The following POLR2H variants were observed in gnomAD, a reference collection of about 807,000 sequenced individuals.
The protein encoded by POLR2H is RNA polymerase II, I and III subunit H.
Under a neutral mutation model 18.1 loss-of-function variants are expected in POLR2H, and 3 were observed. The observed-to-expected ratio is 0.17, with a 90% CI of 0.08 to 0.43. The LOEUF is 0.43. POLR2H is among the 20% of genes least tolerant of loss of function. The pLI, the probability that POLR2H is intolerant of heterozygous loss-of-function variation, is 0.99. For synonymous variants in POLR2H, 76 were observed against 69.0 expected (o/e 1.10, Z -0.50); for missense variants, 103 against 184.6 (o/e 0.56, Z 2.56).
At chr3:184,367,625 T>A (rs968150820) in intron 5 of POLR2H, among the ~76,000 whole-genome samples, 1 of 152,038 alleles carries the variant, frequency 6.6e-6, no homozygotes, top group Non-Finnish European at 1.5e-5. Flanking sequence ...TAGCTGGGAC[T>A]ACAGGCACCC....
chr3:184,363,219 T>C lies in POLR2H; in HGVS notation c.-274T>C. On this transcript the variant is annotated 5_prime_UTR_variant, in exon 2 of 6. Transcript: ENST00000456318. The stretch of plus-strand genomic sequence containing the variant: ...TCTACAGCCTATTGCTTCCCCGCCC[T>C]GGGCAGAGCCACCTGGACATGAGAC... 1 of 520,060 alleles carries C rather than the reference T, an allele frequency of 1.9e-6. No homozygotes were observed. Among genetic ancestry groups the C allele is most frequent in the Admixed American group, 3.1e-5 (1 of 31,808 alleles). 32.2% of individuals were successfully genotyped at this position (520,060 alleles called of 1,614,324 possible). A position where few individuals can be genotyped will look rare whatever the true frequency, so the allele number is the denominator to read the frequency against.
intron 5 of POLR2H, among the ~76,000 whole-genome samples, chr3:184,367,333 A>T (rs1459216439): frequency 6.6e-6 from 1 of 152,166 alleles, no homozygotes; most frequent in Non-Finnish European, 1.5e-5. Context: ...TTCCATATCC[A>T]GAGAGAACCT....
chr3:184,364,705 G>A (rs1405474279), intron 2 of POLR2H: 4 of 531,208 alleles, frequency 7.5e-6, no homozygotes, highest in Non-Finnish European at 1.3e-5. Flanking sequence ...CTTGCCCAGA[G>A]TCAGGTTCTC....
chr3:184,361,717 GGGGACGGCCCAGCCAGGCTGGGGTCC>G lies in POLR2H; in HGVS notation c.-1048_-1023del, dbSNP rs1270787104. 9.8e-6 allele frequency: 2 copies of G among 204,146 alleles called. No individual in the cohort carries two copies. Among genetic ancestry groups the G allele is most frequent in the Non-Finnish European group, 1.9e-5 (2 of 103,662 alleles). 12.6% of individuals were successfully genotyped at this position (204,146 alleles called of 1,614,324 possible). ...TGCTCCGCCCGCCGGCCCATCCGGA[GGGGACGGCCCAGCCAGGCTGGGGTCC>G]GCGCGGGGCCTCCCGAGAGGCGGCA... On this transcript the variant is annotated 5_prime_UTR_variant, in exon 1 of 6. Coordinates refer to ENST00000456318, the MANE Select transcript of POLR2H (RefSeq NM_006232.5). The surrounding 1 kb of genome is among the most constrained non-coding windows in gnomAD (Gnocchi z 6.6).
rs1560277233 is a variant in POLR2H, at chr3:184,366,739, A to G, written c.274A>G (p.Met92Val). The G allele has an allele frequency of 6.2e-7, 1 of 1,603,196 alleles. No individual in the cohort carries two copies. The highest frequency in any genetic ancestry group is 8.5e-7 in the Non-Finnish European group (1 of 1,170,012). ...PSRADQFEYV[M>V]YGKVYRIEGD... The stretch of plus-strand genomic sequence containing the variant: ...TAGGGCTGACCAGTTTGAGTATGTA[A>G]TGTATGGAAAAGTGTACAGGATTGA... The change falls in exon 5 of 6, where the codon ATG (methionine) becomes GTG (valine). Residue 92 changes from methionine to valine, a missense_variant. Physicochemically the swap from Met to Val is conservative, Grantham distance 21 (BLOSUM62 1). Coordinates refer to ENST00000456318, the MANE Select transcript of POLR2H (RefSeq NM_006232.5).
At chr3:184,366,884 C>T (rs1713395621) in intron 5 of POLR2H, 84 bp downstream of exon 5, 1 of 837,532 alleles carries the variant, frequency 1.2e-6, no homozygotes. Context: ...TCTGTTGAGT[C>T]CCTCTCCTCA....
chr3:184,365,080 A>AT, intron 3 of POLR2H, 31 bp downstream of exon 3: 1 of 1,579,908 alleles, frequency 6.3e-7, no homozygotes, highest in Non-Finnish European at 8.7e-7. Context: ...ATAATAAGAG[A>AT]CTTTTTGCTG....
intron 2 of POLR2H, 40 bp from the exon 3 acceptor site, chr3:184,364,925 CT>C: frequency 7.2e-7 from 1 of 1,379,594 alleles, no homozygotes; most frequent in Non-Finnish European, 1.0e-6. Context: ...TAGGATCTGC[CT>C]TGGCAATACC....
Position 184,363,408 on chromosome 3 carries a change from C to A in POLR2H, c.-85C>A. On this transcript the variant is annotated 5_prime_UTR_variant, in exon 2 of 6. Coordinates refer to ENST00000456318, the MANE Select transcript of POLR2H (RefSeq NM_006232.5). ...TTCAGGAGGTGCTTTTGGTTCTCTC[C>A]GGTCTTGTCCACGCTAGGGGGTGCA... The A allele has an allele frequency of 8.7e-7, 1 of 1,154,600 alleles. No homozygotes were observed. The highest frequency in any genetic ancestry group is 1.3e-6 in the Non-Finnish European group (1 of 772,470). The allele number at this position is 1,154,600 out of a possible 1,614,324, so 71.5% of individuals were successfully genotyped here.
At chr3:184,367,793 G>A (rs1023800237) in intron 5 of POLR2H, among the ~76,000 whole-genome samples, 1 of 152,062 alleles carries the variant, frequency 6.6e-6, no homozygotes, top group Non-Finnish European at 1.5e-5. Flanking sequence ...CCCGGCCGGT[G>A]TAAAGCTTTT....
rs1040873063 is a variant in POLR2H, at chr3:184,362,585, C to CAGCA, written c.-620-287_-620-284dup. 2 of 153,494 alleles carry CAGCA rather than the reference C, an allele frequency of 1.3e-5. No homozygotes were observed. The highest frequency in any genetic ancestry group is 1.3e-4 in the Admixed American group (2 of 15,294). The allele number at this position is 153,494 out of a possible 1,614,324, so 9.5% of individuals were successfully genotyped here. On this transcript the variant is annotated intron_variant, in intron 1 of 5. Transcript: ENST00000456318. The surrounding 1 kb of genome is among the most constrained non-coding windows in gnomAD (Gnocchi z 5.9). ...GAAGGGGGGGCCTTGTGATAGAAGC[C>CAGCA]AGCACTCAGGAGGAAGGGCCAGTGT...
chr3:184,364,743 A>G, intron 2 of POLR2H: 1 of 565,504 alleles, frequency 1.8e-6, no homozygotes, highest in Non-Finnish European at 3.1e-6. Context: ...TTGCTGCTGG[A>G]GTATCTTTGG....
At position 184,363,035 on chromosome 3, in the gene POLR2H, C is replaced by T. The variant is rs1048279576; in HGVS notation, c.-458C>T. 4.5e-6 allele frequency: 1 copy of T among 219,950 alleles called. No homozygotes were observed. The highest frequency in any genetic ancestry group is 9.3e-6 in the Non-Finnish European group (1 of 107,244). The allele number at this position is 219,950 out of a possible 1,614,324, so 13.6% of individuals were successfully genotyped here. ...ACCTGCCCTCGGCGCGGACTGTGCC[C>T]TCGGCGGGCACGCGGACCGGCGGGG... On this transcript the variant is annotated 5_prime_UTR_variant, in exon 2 of 6. Transcript: ENST00000456318.
chr3:184,367,089 G>C (rs954722356), intron 5 of POLR2H, among the ~76,000 whole-genome samples: 2 of 101,630 alleles, frequency 2.0e-5, no homozygotes, highest in Admixed American at 9.6e-5. Context: ...AGACTGTTAG[G>C]CTTTGTGTGT....
chr3:184,366,657 A>G (rs1713354372), intron 4 of POLR2H, 60 bp from the exon 5 acceptor site: 3 of 1,064,494 alleles, frequency 2.8e-6, no homozygotes, highest in East Asian at 4.9e-5. Context: ...CCATTTTTAA[A>G]TGGGATCTTT....
intron 5 of POLR2H, among the ~76,000 whole-genome samples, chr3:184,367,092 TTGTGTG>T (rs10575340): frequency 0.093 from 13,740 of 147,854 alleles, 649 homozygotes; most frequent in Middle Eastern, 0.14. Context: ...CTGTTAGGCT[TTGTGTG>T]TGTGTGTGTG....
At chr3:184,365,518 A>T in intron 4 of POLR2H, 1 of 391,408 alleles carries the variant, frequency 2.6e-6, no homozygotes, top group Non-Finnish European at 4.7e-6. Flanking sequence ...AGAGAAAAAA[A>T]AAAAAGGCTG....
rs1472630143 is a variant in POLR2H, at chr3:184,362,918, A to G, written c.-575A>G. 1 of 160,762 alleles carries G rather than the reference A, an allele frequency of 6.2e-6. No individual in the cohort carries two copies. The highest frequency in any genetic ancestry group is 2.4e-5 in the African/African-American group (1 of 41,424). 10.0% of individuals were successfully genotyped at this position (160,762 alleles called of 1,614,324 possible). On this transcript the variant is annotated 5_prime_UTR_variant, in exon 2 of 6. Coordinates refer to ENST00000456318, the MANE Select transcript of POLR2H (RefSeq NM_006232.5). This position sits in a 1 kb window ranked among gnomAD's most constrained non-coding sequence, Gnocchi z 5.9. ...AAACTGGACGGATCCGGCTCGGGTT[A>G]CGTCCAGCAGGGCCGAGCCGGCCCA...
At position 184,363,403 on chromosome 3, in the gene POLR2H, C is replaced by T; in HGVS notation, c.-90C>T. On this transcript the variant is annotated 5_prime_UTR_variant, in exon 2 of 6. Transcript: ENST00000456318. ...GCGCTTTCAGGAGGTGCTTTTGGTT[C>T]TCTCCGGTCTTGTCCACGCTAGGGG... 6 of 1,104,880 alleles carry T rather than the reference C, an allele frequency of 5.4e-6. No individual in the cohort carries two copies. The highest frequency in any genetic ancestry group is 8.2e-6 in the Non-Finnish European group (6 of 729,026). The allele number at this position is 1,104,880 out of a possible 1,614,324, so 68.4% of individuals were successfully genotyped here.
Sources: allele counts gnomAD v4.1 joint callset (sites outside exome capture counted in the v4.1 genomes callset), GRCh38; gene constraint gnomAD v4.1.1; non-coding constraint Gnocchi (gnomAD v3.1); transcripts MANE v1.5; gene names NCBI Gene and HGNC (gene_info 2026-07-23, HGNC 2026-07-21).